The following PCBP3 variants were observed in gnomAD, a reference collection of about 807,000 sequenced individuals.
PCBP3 encodes poly(rC) binding protein 3.
In PCBP3, 25 loss-of-function variants were observed where a neutral mutation model predicts 52.7. The ratio of observed to expected loss-of-function variants is 0.47; its 90% CI spans 0.35 to 0.66. The LOEUF (loss-of-function observed/expected upper bound fraction) is 0.66, where lower values mean the gene tolerates loss of function less well. Ranked by LOEUF, PCBP3 falls within the 30% of genes least tolerant of loss-of-function variation. The pLI is 0.01. For missense variants in PCBP3, 391 were observed against 490.3 expected (o/e 0.80, Z 1.91); for synonymous variants, 162 against 183.0 (o/e 0.89, Z 0.93).
At position 45,837,578 on chromosome 21, in the gene PCBP3, G is replaced by A. The variant is rs944844518; in HGVS notation, c.-125-12383G>A. ...GGGTTGTCTGCCTCTTGGGGGTAGC[G>A]GCTGTGTGGAATGCCTGCGTTCTGG... On this transcript the variant is annotated intron_variant, in intron 4 of 17. Coordinates refer to ENST00000681687, the MANE Select transcript of PCBP3 (RefSeq NM_001384156.1). The surrounding 1 kb of genome is among the most constrained non-coding windows in gnomAD (Gnocchi z 4.1). 6.6e-5 allele frequency among the ~76,000 whole-genome samples: 10 copies of A among 152,192 alleles called. No homozygotes were observed. The highest frequency in any genetic ancestry group is 1.9e-4 in the East Asian group (1 of 5,200).
At chr21:45,752,085 AT>A (rs1199515588) in intron 3 of PCBP3, among the ~76,000 whole-genome samples, 2 of 151,838 alleles carry the variant, frequency 1.3e-5, no homozygotes, top group Admixed American at 1.3e-4. Context: ...TTTCTGTCAT[AT>A]TTTCTCATGT....
chr21:45,927,490 TTC>T (rs2075628651), intron 13 of PCBP3, among the ~76,000 whole-genome samples: 1 of 149,874 alleles, frequency 6.7e-6, no homozygotes, highest in Admixed American at 6.7e-5. Context: ...CTTAGTCCTG[TTC>T]TCTCCTTTAA....
chr21:45,664,111 C>T (rs945376049), intron 1 of PCBP3, among the ~76,000 whole-genome samples: 1 of 146,772 alleles, frequency 6.8e-6, no homozygotes, highest in African/African-American at 2.5e-5. Context: ...AGTAAATACA[C>T]ACACGCATAA....
intron 4 of PCBP3, among the ~76,000 whole-genome samples, chr21:45,845,722 G>A (rs1418131148): frequency 1.3e-5 from 2 of 152,272 alleles, no homozygotes; most frequent in Non-Finnish European, 2.9e-5. Flanking sequence ...GTATGTGAGT[G>A]TGTGCCTTTG....
intron 7 of PCBP3, among the ~76,000 whole-genome samples, 192 bp from the exon 8 acceptor site, chr21:45,900,399 G>A (rs915302721): frequency 6.6e-6 from 1 of 152,174 alleles, no homozygotes; most frequent in Non-Finnish European, 1.5e-5. Context: ...TTTCCCATCT[G>A]AAATGTCTGC....
chr21:45,831,153 C>G (rs2093437316), intron 4 of PCBP3: 1 of 152,512 alleles, frequency 6.6e-6, no homozygotes, highest in African/African-American at 2.4e-5. Flanking sequence ...GCCCTGATCA[C>G]AGGCTCACTG....
At position 45,780,455 on chromosome 21, in the gene PCBP3, T is replaced by C. The variant is rs371854964; in HGVS notation, c.-126+25003T>C. ...TTCTTCTTTATCCTGACAGGCAGTCTAATGCCTACTTAGGCACCTGGTCCA... is the reference window on the plus strand; with the variant it reads ...TTCTTCTTTATCCTGACAGGCAGTCCAATGCCTACTTAGGCACCTGGTCCA... On this transcript the variant is annotated intron_variant, in intron 4 of 17. Coordinates refer to ENST00000681687, the MANE Select transcript of PCBP3 (RefSeq NM_001384156.1). Among the ~76,000 whole-genome samples, 181 of 152,378 alleles carry C rather than the reference T, an allele frequency of 1.2e-3. 4 individuals carry two copies. In the South Asian group the frequency reaches 0.037, roughly 31 times the overall value.
rs189375956 is a variant in PCBP3, at chr21:45,758,120, C to T, written c.-126+2668C>T. Among the ~76,000 whole-genome samples the T allele has an allele frequency of 2.0e-3, 311 of 152,338 alleles. 1 individual carries two copies. The highest frequency in any genetic ancestry group is 7.2e-3 in the African/African-American group (301 of 41,582). ...CCCAGGGTGGTCTCGAACTCGTGAGCTCAGGCAATCTGCCCGCCTTGGCCT... is the reference window on the plus strand; with the variant it reads ...CCCAGGGTGGTCTCGAACTCGTGAGTTCAGGCAATCTGCCCGCCTTGGCCT... On this transcript the variant is annotated intron_variant, in intron 4 of 17. Transcript: ENST00000681687.
intron 5 of PCBP3, among the ~76,000 whole-genome samples, chr21:45,850,663 G>A (rs955153809): frequency 3.9e-5 from 6 of 152,196 alleles, no homozygotes; most frequent in African/African-American, 1.2e-4. Context: ...AAAAATAAAC[G>A]GGAGTATTAA....
At chr21:45,685,834 A>C (rs1176890338) in intron 2 of PCBP3, among the ~76,000 whole-genome samples, 1 of 152,118 alleles carries the variant, frequency 6.6e-6, no homozygotes, top group East Asian at 1.9e-4. Context: ...AACACTAACC[A>C]ATAACCAACA....
chr21:45,785,620 C>T (rs1420547232), intron 4 of PCBP3, among the ~76,000 whole-genome samples: 1 of 152,302 alleles, frequency 6.6e-6, no homozygotes, highest in Non-Finnish European at 1.5e-5. Flanking sequence ...GCCACCACCC[C>T]GTCTGGGAGG....
At chr21:45,866,688 C>G (rs2094739534) in intron 5 of PCBP3, among the ~76,000 whole-genome samples, 1 of 152,118 alleles carries the variant, frequency 6.6e-6, no homozygotes, top group Non-Finnish European at 1.5e-5. Flanking sequence ...CTGAGGTGTT[C>G]AGGCTGGCCC....
intron 4 of PCBP3, among the ~76,000 whole-genome samples, chr21:45,815,638 G>A (rs1351127565): frequency 5.4e-5 from 2 of 36,714 alleles, no homozygotes; most frequent in Non-Finnish European, 9.6e-5. Flanking sequence ...GTGGTGAGTG[G>A]TGAGTGAGTG....
intron 5 of PCBP3, among the ~76,000 whole-genome samples, chr21:45,894,774 C>T (rs1302382736): frequency 6.6e-6 from 1 of 152,244 alleles, no homozygotes; most frequent in East Asian, 1.9e-4. Flanking sequence ...TCCTGCTGCA[C>T]AGTGCAGCGA....
At chr21:45,893,194 A>G (rs2148965455) in intron 5 of PCBP3, among the ~76,000 whole-genome samples, 1 of 149,558 alleles carries the variant, frequency 6.7e-6, no homozygotes, top group Non-Finnish European at 1.5e-5. Flanking sequence ...CTCTGAGAGA[A>G]TGGGATGTGG....
chr21:45,780,714 G>A (rs2146041388), intron 4 of PCBP3, among the ~76,000 whole-genome samples: 1 of 152,302 alleles, frequency 6.6e-6, no homozygotes, highest in South Asian at 2.1e-4. Context: ...TGATCTCAGA[G>A]AGAAGAGGAC....
chr21:45,864,095 TATCA>T (rs2094613174), intron 5 of PCBP3, among the ~76,000 whole-genome samples: 1 of 152,200 alleles, frequency 6.6e-6, no homozygotes, highest in South Asian at 2.1e-4. Context: ...TACGGATGTT[TATCA>T]ATCAGAGATA....
At chr21:45,930,055 G>T (rs1448748327) in intron 14 of PCBP3, 60 bp downstream of exon 14, 1 of 1,275,220 alleles carries the variant, frequency 7.8e-7, no homozygotes, top group Admixed American at 1.7e-5. Flanking sequence ...TTCTCTTTCT[G>T]AGCTGTGTTA....
chr21:45,804,464 A>G (rs2092424405), intron 4 of PCBP3, among the ~76,000 whole-genome samples: 1 of 152,244 alleles, frequency 6.6e-6, no homozygotes, highest in African/African-American at 2.4e-5. Context: ...ACCAAAAGCC[A>G]TGGAAATGAG....
Sources: gnomAD v4.1 joint callset for allele counts (sites outside exome capture counted in the v4.1 genomes callset) on GRCh38, gnomAD v4.1.1 for gene constraint, Gnocchi (gnomAD v3.1) non-coding constraint, MANE v1.5 for transcripts, NCBI Gene and HGNC (gene_info 2026-07-23, HGNC 2026-07-21) for gene names.